Variants in TAB2 observed in about 807,000 individuals in gnomAD.
The protein encoded by TAB2 is TGF-beta activated kinase 1 (MAP3K7) binding protein 2, also known as TGF-beta-activated kinase 1 and MAP3K7-binding protein 2.
TAB2 carries 3 observed loss-of-function variants against 65.0 expected under a neutral mutation model. The observed-to-expected ratio is 0.05, with a 90% CI of 0.02 to 0.12. The LOEUF is 0.12. TAB2 is among the 10% of genes least tolerant of loss of function. The pLI is 1.00. For missense variants in TAB2, 623 were observed against 840.3 expected (o/e 0.74, Z 3.20); for synonymous variants, 298 against 285.1 (o/e 1.05, Z -0.46).
chr6:149,261,398 A>G (rs1306865935), intron 1 of TAB2, among the ~76,000 whole-genome samples: 3 of 152,256 alleles, frequency 2.0e-5, no homozygotes, highest in Non-Finnish European at 4.4e-5. Context: ...AACAGATGAA[A>G]GCACAGTATT....
At chr6:149,296,480 A>C (rs1338990812) in intron 1 of TAB2, among the ~76,000 whole-genome samples, 1 of 152,150 alleles carries the variant, frequency 6.6e-6, no homozygotes, top group East Asian at 1.9e-4. Flanking sequence ...TGGCCTAAAA[A>C]TGTCTTACTG....
chr6:149,320,433 TTACACTTGGTTAAATGTCTTATTAC>T (rs1210324627), intron 1 of TAB2, among the ~76,000 whole-genome samples: 2 of 152,220 alleles, frequency 1.3e-5, no homozygotes, highest in Non-Finnish European at 2.9e-5. Context: ...TATTAACAAC[TTACACTTGGTTAAATGTCTTATTAC>T]ATTTGTGTCT....
intron 1 of TAB2, among the ~76,000 whole-genome samples, chr6:149,262,531 TAA>T (rs11365916): frequency 1.7e-4 from 24 of 139,864 alleles, no homozygotes; most frequent in African/African-American, 3.9e-4. Context: ...AAACTCGGTC[TAA>T]AAAAAAAAAA....
intron 1 of TAB2, chr6:149,320,925 A>G (rs1779434712): frequency 6.6e-6 from 1 of 152,168 alleles, no homozygotes; most frequent in Non-Finnish European, 1.5e-5. Flanking sequence ...TCTTTATTTG[A>G]TCTAACATTG....
Position 149,331,784 on chromosome 6 carries a change from T to C in TAB2, c.-90+13769T>C, listed in dbSNP as rs963401396. On this transcript the variant is annotated intron_variant, in intron 1 of 6. Transcript: ENST00000637181. Reference sequence around the variant, plus strand: ...ATGCTTTTTTCTACATCAATTGATATGGTCATATGGCTTTTATTCTTTAAG... The same window carrying C: ...ATGCTTTTTTCTACATCAATTGATACGGTCATATGGCTTTTATTCTTTAAG... Among the ~76,000 whole-genome samples, 4 of 152,206 alleles carry C rather than the reference T, an allele frequency of 2.6e-5. No homozygotes were observed. The East Asian group carries it at 5.8e-4, about 22-fold the overall frequency.
chr6:149,384,194 C>T (rs1419685487), intron 3 of TAB2, among the ~76,000 whole-genome samples: 1 of 152,062 alleles, frequency 6.6e-6, no homozygotes, highest in South Asian at 2.1e-4. Context: ...TAGGAAAATA[C>T]TTTTTCCAAA....
intron 1 of TAB2, among the ~76,000 whole-genome samples, chr6:149,227,372 T>C (rs896984444): frequency 6.6e-6 from 1 of 152,154 alleles, no homozygotes; most frequent in Non-Finnish European, 1.5e-5. Context: ...TGAGTCAAGA[T>C]TGCTTGTGAA....
At chr6:149,357,763 G>C (rs1044269230) in intron 1 of TAB2, among the ~76,000 whole-genome samples, 2 of 151,174 alleles carry the variant, frequency 1.3e-5, no homozygotes, top group African/African-American at 4.9e-5. Context: ...GCAATGGTGC[G>C]ATCTTGGCTC....
Position 149,265,202 on chromosome 6 carries a change from T to G in TAB2, c.-121+46426T>G, listed in dbSNP as rs563014033. Among the ~76,000 whole-genome samples, 5 of 152,132 alleles carry G rather than the reference T, an allele frequency of 3.3e-5. No individual in the cohort carries two copies. The South Asian group carries it at 1.0e-3, about 32-fold the overall frequency. Reference sequence around the variant, plus strand: ...CAAGAGTTCAGAACCCTTTTTTTTTTTTTTTTAAAGCACAGCAGTTTCCAA... The same window carrying G: ...CAAGAGTTCAGAACCCTTTTTTTTTGTTTTTTAAAGCACAGCAGTTTCCAA... On this transcript the variant is annotated intron_variant, in intron 1 of 1. Coordinates refer to the TAB2 transcript ENST00000606202.
intron 1 of TAB2, among the ~76,000 whole-genome samples, chr6:149,259,418 T>A (rs1220662535): frequency 6.6e-6 from 1 of 151,542 alleles, no homozygotes; most frequent in African/African-American, 2.4e-5. Flanking sequence ...AGGGAAGCAG[T>A]TTGAGTCTCA....
At chr6:149,404,036 AATT>A (rs1782577253) in intron 6 of TAB2, among the ~76,000 whole-genome samples, 1 of 152,160 alleles carries the variant, frequency 6.6e-6, no homozygotes, top group Admixed American at 6.5e-5. Context: ...GAGGAAGTAA[AATT>A]ATCTGTTTGC....
rs556168112 is a variant in TAB2 at position 149,401,513 on chromosome 6, TTATAAA to T, written c.1939+2334_1939+2339del. Among the ~76,000 whole-genome samples, 1,060 of 152,104 alleles carry T rather than the reference TTATAAA, an allele frequency of 7.0e-3. 4 individuals are homozygous for T. Among genetic ancestry groups the T allele is most frequent in the Non-Finnish European group, 9.4e-3 (636 of 67,946 alleles). ...TCAATTCCACAGAAAAATATAAAAATTATAAATATATACACACCCCACATCAGACTA... is the reference window on the plus strand; with the variant it reads ...TCAATTCCACAGAAAAATATAAAAATTATATACACACCCCACATCAGACTA... On this transcript the variant is annotated intron_variant, in intron 6 of 6. Coordinates refer to ENST00000637181, the MANE Select transcript of TAB2 (RefSeq NM_001292034.3).
chr6:149,396,289 A>G (rs237029), intron 3 of TAB2, among the ~76,000 whole-genome samples: 87,416 of 152,040 alleles, frequency 0.57, 25,968 homozygotes, highest in African/African-American at 0.72. Context: ...AAAGTGCTGG[A>G]GTTACAGGTG....
intron 2 of TAB2, among the ~76,000 whole-genome samples, chr6:149,371,952 A>G (rs1342904593): frequency 1.3e-5 from 2 of 152,210 alleles, no homozygotes; most frequent in African/African-American, 2.4e-5. Flanking sequence ...ACTTCTCCCT[A>G]ACTTTTCAAG....
intron 1 of TAB2, among the ~76,000 whole-genome samples, chr6:149,341,077 T>C (rs1332426635): frequency 2.0e-5 from 3 of 152,078 alleles, no homozygotes; most frequent in Admixed American, 1.3e-4. Flanking sequence ...CATGCATTGA[T>C]TGCTTTTATG....
At chr6:149,319,010 T>C (rs1455033417) in intron 1 of TAB2, among the ~76,000 whole-genome samples, 2 of 152,326 alleles carry the variant, frequency 1.3e-5, no homozygotes, top group Non-Finnish European at 2.9e-5. Context: ...CCCTTATTCA[T>C]TGGAAAGTTC....
chr6:149,275,012 C>T (rs1488429627), intron 1 of TAB2, among the ~76,000 whole-genome samples: 2 of 152,046 alleles, frequency 1.3e-5, no homozygotes, highest in East Asian at 1.9e-4. Context: ...TCTCTCTCCA[C>T]CCCACTGCAG....
chr6:149,402,032 CAG>C (rs1171546565), intron 6 of TAB2, among the ~76,000 whole-genome samples: 2 of 146,518 alleles, frequency 1.4e-5, no homozygotes, highest in African/African-American at 2.5e-5. Context: ...AATTATACCT[CAG>C]GGAACCAGTA....
chr6:149,372,381 AG>A (rs1374631166), intron 2 of TAB2: 6 of 152,214 alleles, frequency 3.9e-5, no homozygotes, highest in African/African-American at 1.4e-4. Flanking sequence ...TATCCATGGT[AG>A]GCCAGAGGGA....
Sources: allele counts gnomAD v4.1 joint callset (sites outside exome capture counted in the v4.1 genomes callset), GRCh38; gene constraint gnomAD v4.1.1; transcripts MANE v1.5; gene names NCBI Gene and HGNC (gene_info 2026-07-23, HGNC 2026-07-21).